Variants in ZNF232 observed in about 807,000 individuals in gnomAD.
ZNF232 encodes the protein zinc finger protein 232.
ZNF232 carries 25 observed loss-of-function variants against 25.2 expected under a neutral mutation model. The ratio of observed to expected loss-of-function variants is 0.99; its 90% CI spans 0.72 to 1.39. ZNF232 has a LOEUF of 1.39. Among genes scored for constraint, ZNF232 ranks in the 40% most tolerant of loss-of-function variants. The pLI, the probability that ZNF232 is intolerant of heterozygous loss-of-function variation, is 0.00. For missense variants in ZNF232, 519 were observed against 520.9 expected (o/e 1.00, Z 0.04); for synonymous variants, 193 against 182.9 (o/e 1.06, Z -0.45).
At position 5,109,056 on chromosome 17, in the gene ZNF232, G is replaced by A. The variant is rs750486338; in HGVS notation, c.499-4C>T. 29 of 1,613,886 alleles carry A rather than the reference G, an allele frequency of 1.8e-5. No homozygotes were observed. In the East Asian group the frequency reaches 6.5e-4, roughly 36 times the overall value. ...GTCCATGTGCAGGGCCTGGGACCTG[G>A]AGGTGATCAGGCACCACTCAGTTTA... On this transcript the variant is annotated splice_region_variant and splice_polypyrimidine_tract_variant and intron_variant, in intron 2 of 3. Coordinates refer to ENST00000575898, the Ensembl canonical transcript of ZNF232.
At chr17:5,106,145 T>C (rs1477455319) in exon 4 of ZNF232, 6 of 1,614,182 alleles carry the variant, frequency 3.7e-6, no homozygotes, top group Admixed American at 1.7e-5. Context: ...GTTTGAAAGT[T>C]TTCCCACAGT....
chr17:5,117,958 C>G (rs1195186039), intron 1 of ZNF232, among the ~76,000 whole-genome samples: 1 of 151,260 alleles, frequency 6.6e-6, no homozygotes, highest in Non-Finnish European at 1.5e-5. Flanking sequence ...CCTCCCAGCT[C>G]CTCAGGAGGC....
intron 3 of ZNF232, 70 bp from the exon 4 acceptor site, chr17:5,106,603 C>G (rs2072266877): frequency 2.3e-6 from 3 of 1,286,460 alleles, no homozygotes; most frequent in Non-Finnish European, 3.2e-6. Context: ...TGCTTAAAAA[C>G]AACTATATAT....
At chr17:5,120,815 GCA>G (rs2072637210) in intron 1 of ZNF232, 3 of 452,624 alleles carry the variant, frequency 6.6e-6, no homozygotes, top group Non-Finnish European at 1.3e-5. Flanking sequence ...AAGCAGGTGT[GCA>G]CACATGTGGG....
chr17:5,111,853 A>G (rs112282117), upstream of ZNF232: 12,781 of 1,613,534 alleles, frequency 7.9e-3, 862 homozygotes, highest in African/African-American at 0.15. Context: ...CGCCACTTAC[A>G]GCCCTCACCC....
At chr17:5,120,969 C>T (rs2072643943) in intron 1 of ZNF232, among the ~76,000 whole-genome samples, 1 of 152,206 alleles carries the variant, frequency 6.6e-6, no homozygotes, top group African/African-American at 2.4e-5. Flanking sequence ...CAAGCTCACA[C>T]AGCCCTTCAC....
chr17:5,108,520 T>TA lies in ZNF232; in HGVS notation c.625+405dup, dbSNP rs760611887. Reference sequence around the variant, plus strand: ...GTGTTTTGCGAGGCCTCAGCGAGTTTAAAAAAAAAAAAAGGATCTCAAGGC... The same window carrying TA: ...GTGTTTTGCGAGGCCTCAGCGAGTTTAAAAAAAAAAAAAAGGATCTCAAGGC... On this transcript the variant is annotated intron_variant, in intron 3 of 3. Coordinates refer to ENST00000575898, the Ensembl canonical transcript of ZNF232. Among the ~76,000 whole-genome samples the TA allele has an allele frequency of 3.1e-3, 443 of 143,834 alleles. 3 individuals are homozygous for TA. Among genetic ancestry groups the TA allele is most frequent in the Middle Eastern group, 0.011 (3 of 280 alleles). 94.4% of individuals were successfully genotyped at this position (143,834 alleles called of 152,430 possible).
At chr17:5,111,709 G>A (rs1207991152) in intron 1 of ZNF232, 91 bp downstream of exon 1, 3 of 1,601,630 alleles carry the variant, frequency 1.9e-6, no homozygotes. Flanking sequence ...CTGCCTGCCA[G>A]GCCTGCTCAC....
chr17:5,117,707 A>G (rs1307406224), intron 1 of ZNF232, among the ~76,000 whole-genome samples: 3 of 152,152 alleles, frequency 2.0e-5, no homozygotes, highest in African/African-American at 7.2e-5. Flanking sequence ...GCTGCCCTGT[A>G]GAGAAGCGTT....
intron 3 of ZNF232, among the ~76,000 whole-genome samples, chr17:5,107,260 C>A (rs887487740): frequency 4.6e-5 from 7 of 151,178 alleles, no homozygotes; most frequent in Non-Finnish European, 7.4e-5. Flanking sequence ...TGATGGCGGG[C>A]GCCTGTAGTC....
chr17:5,109,981 C>T lies in ZNF232; in HGVS notation c.24-113G>A, dbSNP rs148945176. 73 of 1,077,746 alleles carry T rather than the reference C, an allele frequency of 6.8e-5. No homozygotes were observed. The African/African-American group carries it at 8.3e-4, about 12-fold the overall frequency. The allele number at this position is 1,077,746 out of a possible 1,614,324, so 66.8% of individuals were successfully genotyped here. On this transcript the variant is annotated intron_variant, in intron 1 of 3. Coordinates refer to ENST00000575898, the Ensembl canonical transcript of ZNF232. ...CTCAGCTCACTGCAACCTCCACCCC[C>T]GGGGTTCTAGCGATTCTCCTACCTC...
chr17:5,119,716 ATAAT>A (rs1330308610), intron 1 of ZNF232, among the ~76,000 whole-genome samples: 1 of 152,202 alleles, frequency 6.6e-6, no homozygotes, highest in Non-Finnish European at 1.5e-5. Context: ...GCTAATTATT[ATAAT>A]TAATTATAAT....
intron 1 of ZNF232, chr17:5,120,853 TG>T (rs2072639204): frequency 2.2e-6 from 1 of 454,386 alleles, no homozygotes; most frequent in Non-Finnish European, 4.4e-6. Flanking sequence ...CTGGTGCAGC[TG>T]GAACGCTGGC....
intron 1 of ZNF232, among the ~76,000 whole-genome samples, chr17:5,122,649 T>A (rs530234794): frequency 7.2e-5 from 11 of 152,156 alleles, no homozygotes; most frequent in African/African-American, 2.6e-4. Context: ...AACGCGTGTC[T>A]CCCCTGGACA....
chr17:5,109,952 T>C, intron 1 of ZNF232, 84 bp from the exon 2 acceptor site: 1 of 1,332,934 alleles, frequency 7.5e-7, no homozygotes, highest in Non-Finnish European at 1.0e-6. Context: ...TGCAGTGACA[T>C]GATCTCAGCT....
At chr17:5,109,749 T>A in exon 2 of ZNF232, 1 of 1,614,216 alleles carries the variant, frequency 6.2e-7, no homozygotes, top group Non-Finnish European at 8.5e-7. Flanking sequence ...CATCATCATC[T>A]TCTCTTGTCC....
exon 3 of ZNF232, chr17:5,108,940 G>T (rs149710317): frequency 6.2e-7 from 1 of 1,614,014 alleles, no homozygotes; most frequent in South Asian, 1.1e-5. Context: ...CTTTGGGAAA[G>T]GCTGGGTCTC....
upstream of ZNF232, chr17:5,112,023 A>G: frequency 1.3e-6 from 1 of 761,800 alleles, no homozygotes; most frequent in Non-Finnish European, 2.0e-6. Flanking sequence ...GCGGAGCGAG[A>G]AAGAGCGCGC....
Position 5,109,813 on chromosome 17 carries a change from TAG to T in ZNF232, c.77_78del (p.Thr26LysfsTer10). ...GCTGCTGTTAGTGATACAGCCATCC[TAG>T]TCTGCACTAGCTCTGCAGAAGGCTC... On this transcript the variant is annotated frameshift_variant, in exon 2 of 4. Coordinates refer to ENST00000575898, the Ensembl canonical transcript of ZNF232. LOFTEE classifies it high-confidence loss of function. 6.2e-7 allele frequency: 1 copy of T among 1,614,180 alleles called. No homozygotes were observed. The highest frequency in any genetic ancestry group is 1.1e-5 in the South Asian group (1 of 91,086).
Sources: gnomAD v4.1 joint callset for allele counts (sites outside exome capture counted in the v4.1 genomes callset) on GRCh38, gnomAD v4.1.1 for gene constraint, MANE v1.5 for transcripts, NCBI Gene and HGNC (gene_info 2026-07-23, HGNC 2026-07-21) for gene names.